The following TNS1 variants were observed in gnomAD, a reference collection of about 807,000 sequenced individuals.
The protein encoded by TNS1 is tensin 1.
Under a neutral mutation model 168.6 loss-of-function variants are expected in TNS1, and 62 were observed. The ratio of observed to expected loss-of-function variants is 0.37; its 90% CI spans 0.30 to 0.45. The LOEUF (loss-of-function observed/expected upper bound fraction) is 0.45. Ranked by LOEUF, TNS1 falls within the 20% of genes least tolerant of loss-of-function variation. The pLI is 1.00. For synonymous variants in TNS1, 934 were observed against 933.2 expected, an observed-to-expected ratio of 1.00 and a Z score of -0.02; for missense variants, 2,240 against 2,339.4, an observed-to-expected ratio of 0.96 and a Z score of 0.88.
chr2:217,869,648 G>A (rs1024278024), intron 18 of TNS1, among the ~76,000 whole-genome samples: 10 of 152,246 alleles, frequency 6.6e-5, no homozygotes, highest in Non-Finnish European at 1.2e-4. Flanking sequence ...GTCCACCAGG[G>A]CAAGAAATGC....
chr2:217,842,076 C>G, intron 19 of TNS1: 1 of 703,052 alleles, frequency 1.4e-6, no homozygotes, highest in East Asian at 2.7e-5. Flanking sequence ...ACAAGCTGCT[C>G]CATGCCAGTT....
intron 3 of TNS1, among the ~76,000 whole-genome samples, chr2:217,966,254 T>C (rs905379655): frequency 2.7e-5 from 4 of 149,114 alleles, no homozygotes; most frequent in African/African-American, 9.9e-5. Flanking sequence ...CTCCCTGCTA[T>C]GGGGAGCAGG....
At chr2:217,933,346 A>G (rs1956425491) in intron 3 of TNS1, among the ~76,000 whole-genome samples, 1 of 152,178 alleles carries the variant, frequency 6.6e-6, no homozygotes, top group African/African-American at 2.4e-5. Context: ...AGACCCGGTG[A>G]CCCAGACACT....
intron 3 of TNS1, among the ~76,000 whole-genome samples, chr2:217,946,959 T>TCACACACACA (rs1203032369): frequency 0.019 from 2,380 of 128,218 alleles, 26 homozygotes; most frequent in Non-Finnish European, 0.024. Flanking sequence ...TCTCTCTCTC[T>TCACACACACA]CTCTCTCTCT....
chr2:217,831,839 C>T (rs1044858882), intron 21 of TNS1, among the ~76,000 whole-genome samples: 1 of 152,148 alleles, frequency 6.6e-6, no homozygotes, highest in African/African-American at 2.4e-5. Context: ...CTTCTCGCTG[C>T]AGTCCCTTTA....
rs753507838 is a variant in TNS1 at position 217,835,165 on chromosome 2, G to A, written c.3206C>T (p.Pro1069Leu). The A allele has an allele frequency of 6.2e-7, 1 of 1,602,076 alleles. No individual in the cohort carries two copies. The highest frequency in any genetic ancestry group is 1.1e-5 in the South Asian group (1 of 88,738). ...GGCCTCCTTGTAGCTGTGCAAATGG[G>A]GCTGTGGGAGAACACAGGGGAGAAA... The part of the protein sequence containing the change: ...ALNPGGRPKE[P>L]HLHSYKEAFE... Residue 1069 changes from proline (P) to leucine (L), a missense_variant and splice_region_variant, in exon 21 of 33, where the codon CCC (proline) becomes CTC (leucine). Transcript: ENST00000682258.
At chr2:217,884,342 G>C (rs1257484245) in intron 16 of TNS1, among the ~76,000 whole-genome samples, 1 of 152,188 alleles carries the variant, frequency 6.6e-6, no homozygotes, top group East Asian at 1.9e-4. Context: ...TGGATGGATG[G>C]ATGTGTGTAA....
Position 217,897,906 on chromosome 2 carries a change from C to T in TNS1, c.435G>A (p.Glu145=), listed in dbSNP as rs747864163. Residue 145 remains glutamate, a synonymous_variant, in exon 8 of 33, where the codon GAG becomes GAA. Coordinates refer to ENST00000682258, the MANE Select transcript of TNS1 (RefSeq NM_001387777.1). The stretch of plus-strand genomic sequence containing the variant: ...TGGGGAAGGAGACAGCGATGATCCT[C>T]TCTGTGACGTACACCAGGTCCAGCT... ...SCELDLVYVT[E]RIIAVSFPST... is the part of the protein sequence containing the mutation. 6.2e-7 allele frequency: 1 copy of T among 1,613,566 alleles called. No individual in the cohort carries two copies.
At chr2:218,017,204 C>T (rs1159340428) in intron 1 of TNS1, among the ~76,000 whole-genome samples, 1 of 152,200 alleles carries the variant, frequency 6.6e-6, no homozygotes, top group Non-Finnish European at 1.5e-5. Flanking sequence ...AACTTGATTC[C>T]TTCCTCTCTT....
In TNS1 at chr2:217,830,612, C is replaced by T. The variant is rs1574678238; in HGVS notation, c.3373+843G>A. Among the ~76,000 whole-genome samples the T allele has an allele frequency of 2.0e-5, 3 of 152,272 alleles. No homozygotes were observed. The South Asian group carries it at 6.2e-4, about 32-fold the overall frequency. On this transcript the variant is annotated intron_variant, in intron 22 of 32. Coordinates refer to ENST00000682258, the MANE Select transcript of TNS1 (RefSeq NM_001387777.1). ...GCTCAGAGGAGCACCTTCTCCCAGACAGGCCCAGGGCCCTGCCCTCTACCG... is the reference window on the plus strand; with the variant it reads ...GCTCAGAGGAGCACCTTCTCCCAGATAGGCCCAGGGCCCTGCCCTCTACCG...
At chr2:218,005,179 C>T (rs528923828), upstream of TNS1, among the ~76,000 whole-genome samples, 2 of 152,360 alleles carry the variant, frequency 1.3e-5, no homozygotes, top group South Asian at 2.1e-4. Context: ...TCACTGCTGG[C>T]GTCACTGAAG....
intron 15 of TNS1, 94 bp from the exon 16 acceptor site, chr2:217,885,258 C>A (rs969559452): frequency 2.8e-5 from 43 of 1,541,354 alleles, no homozygotes; most frequent in Non-Finnish European, 3.7e-5. Context: ...ACTGAGCCCC[C>A]AAGGCTCACC....
intron 18 of TNS1, among the ~76,000 whole-genome samples, chr2:217,866,644 G>A (rs1314389018): frequency 4.6e-5 from 7 of 152,160 alleles, no homozygotes; most frequent in African/African-American, 1.2e-4. Context: ...GGCAGACAGC[G>A]GCAGGCAGCT....
chr2:217,926,333 G>T (rs1358579161), intron 3 of TNS1, among the ~76,000 whole-genome samples: 1 of 152,190 alleles, frequency 6.6e-6, no homozygotes, highest in East Asian at 1.9e-4. Context: ...AGTCATTCAT[G>T]TTGTAGCATG....
At chr2:217,891,686 A>G (rs1951758520) in intron 11 of TNS1, among the ~76,000 whole-genome samples, 1 of 152,222 alleles carries the variant, frequency 6.6e-6, no homozygotes. Context: ...AGCAAACCCC[A>G]AAGTCCTCAG....
rs772166057 is a variant in TNS1, at chr2:217,835,999, C to T, written c.3204+16G>A. 1.0e-5 allele frequency: 16 copies of T among 1,601,748 alleles called. No homozygotes were observed. In the East Asian group the frequency reaches 2.9e-4, roughly 29 times the overall value. ...CACTACCCTCCATAGCCCCAAGATA[C>T]AGCTTAAGGACTCACCTCTTTGGGC... On this transcript the variant is annotated intron_variant, in intron 20 of 32. Transcript: ENST00000682258.
chr2:218,031,358 T>TTG (rs1386829022), intron 1 of TNS1, among the ~76,000 whole-genome samples: 1 of 145,792 alleles, frequency 6.9e-6, no homozygotes, highest in South Asian at 2.2e-4. Flanking sequence ...TGAGTGTGTG[T>TTG]TGTGTGTGAG....
intron 3 of TNS1, among the ~76,000 whole-genome samples, chr2:217,963,103 T>C (rs775557955): frequency 1.3e-5 from 2 of 151,964 alleles, no homozygotes; most frequent in African/African-American, 2.4e-5. Flanking sequence ...AAGGCACAGA[T>C]TAGGGTCAGA....
rs3838561 is a variant in TNS1, at chr2:217,874,023, A to AACACAC, written c.1429+6869_1429+6874dup. On this transcript the variant is annotated intron_variant, in intron 18 of 32. Coordinates refer to ENST00000682258, the MANE Select transcript of TNS1 (RefSeq NM_001387777.1). ...CCACCACCACCCCCGCCCCCCAACC[A>AACACAC]ACACACACACACACACACACACACA... Among the ~76,000 whole-genome samples the AACACAC allele has an allele frequency of 5.6e-3, 629 of 111,530 alleles. 9 individuals are homozygous for AACACAC. The highest frequency in any genetic ancestry group is 0.021 in the African/African-American group (586 of 27,952). 73.2% of individuals were successfully genotyped at this position (111,530 alleles called of 152,430 possible).
Sources: allele counts gnomAD v4.1 joint callset (sites outside exome capture counted in the v4.1 genomes callset), GRCh38; gene constraint gnomAD v4.1.1; transcripts MANE v1.5; gene names NCBI Gene and HGNC (gene_info 2026-07-23, HGNC 2026-07-21).